The following UGGT2 variants were observed in gnomAD, a reference collection of about 807,000 sequenced individuals.
The protein encoded by UGGT2 is UDP-glucose glycoprotein glucosyltransferase 2.
A neutral mutation model predicts 192.1 loss-of-function variants in UGGT2; 180 were observed. The observed-to-expected ratio is 0.94, with a 90% CI of 0.83 to 1.06. UGGT2 has a LOEUF of 1.06. UGGT2 is among the 50% of genes least tolerant of loss of function. UGGT2 has a pLI of 0.00. For synonymous variants in UGGT2, 580 were observed against 591.0 expected (o/e 0.98, Z 0.27); for missense variants, 1,849 against 1,795.7 (o/e 1.03, Z -0.54).
rs149785094 is a variant in UGGT2 at position 95,863,683 on chromosome 13, T to A, written c.3590A>T (p.Asp1197Val). 5.5e-4 allele frequency: 880 copies of A among 1,612,788 alleles called. 1 individual carries two copies. Among genetic ancestry groups the A allele is most frequent in the Non-Finnish European group, 7.1e-4 (833 of 1,179,130 alleles). Residue 1197 changes from aspartate to valine, a missense_variant, in exon 31 of 39, where the codon GAT becomes GTT. By Grantham distance (152) the Asp-to-Val change is radical. Coordinates refer to ENST00000376747, the MANE Select transcript of UGGT2 (RefSeq NM_020121.4). ...TTTTTCATCTTCATCGGTAAGGATA[T>A]CTTCCTTAATTTTGTCTGTTTCTTT... ...VKKETDKIKE[D>V]ILTDEDEKTK...
Position 95,970,175 on chromosome 13 carries a change from T to A in UGGT2, c.1272A>T (p.Leu424Phe). 6.2e-7 allele frequency: 1 copy of A among 1,611,992 alleles called. No individual in the cohort carries two copies. Among genetic ancestry groups the A allele is most frequent in the Non-Finnish European group, 8.5e-7 (1 of 1,178,298 alleles). Reference sequence around the variant, plus strand: ...ATTCCCAAATGTGTGAATTTAATTTTAAAAATTTGCTCATATCTTCCCCAT... The same window carrying A: ...ATTCCCAAATGTGTGAATTTAATTTAAAAAATTTGCTCATATCTTCCCCAT... ...GINGEDMSKFLKLNSHIWEYT... is the reference protein window; with the variant it reads ...GINGEDMSKFFKLNSHIWEYT... Residue 424 changes from leucine to phenylalanine, a missense_variant, in exon 12 of 39, where the codon TTA (leucine) becomes TTT (phenylalanine). Coordinates refer to ENST00000376747, the MANE Select transcript of UGGT2 (RefSeq NM_020121.4).
At chr13:95,879,610 T>C (rs902177460) in intron 27 of UGGT2, among the ~76,000 whole-genome samples, 1 of 152,176 alleles carries the variant, frequency 6.6e-6, no homozygotes, top group Non-Finnish European at 1.5e-5. Flanking sequence ...TAATTTTTTG[T>C]ACTTTTAGTA....
intron 38 of UGGT2, among the ~76,000 whole-genome samples, chr13:95,830,728 C>G (rs1352744292): frequency 1.3e-5 from 2 of 152,290 alleles, no homozygotes; most frequent in Non-Finnish European, 1.5e-5. Context: ...GGCGATTCCT[C>G]AAGGATCTAA....
intron 11 of UGGT2, 41 bp downstream of exon 11, chr13:95,972,539 T>C (rs1391665131): frequency 6.9e-7 from 1 of 1,443,256 alleles, no homozygotes; most frequent in Non-Finnish European, 9.6e-7. Context: ...TTTATTTTTA[T>C]ATAAACCATA....
At chr13:96,049,178 T>C (rs905836344) in intron 1 of UGGT2, among the ~76,000 whole-genome samples, 2 of 152,192 alleles carry the variant, frequency 1.3e-5, no homozygotes, top group Admixed American at 6.5e-5. Context: ...TGTTTCAACA[T>C]ATGCAAATCA....
chr13:95,940,840 G>T (rs2049653348), intron 15 of UGGT2, among the ~76,000 whole-genome samples: 1 of 152,062 alleles, frequency 6.6e-6, no homozygotes, highest in South Asian at 2.1e-4. Context: ...CAATCTACCT[G>T]CCTCGGCCTC....
At chr13:96,037,829 G>A (rs930905536) in intron 1 of UGGT2, among the ~76,000 whole-genome samples, 1 of 152,040 alleles carries the variant, frequency 6.6e-6, no homozygotes, top group African/African-American at 2.4e-5. Flanking sequence ...AATTTTAAGA[G>A]AAACATAAAC....
At chr13:95,975,673 A>T (rs2050914194) in intron 10 of UGGT2, among the ~76,000 whole-genome samples, 1 of 152,194 alleles carries the variant, frequency 6.6e-6, no homozygotes, top group African/African-American at 2.4e-5. Flanking sequence ...GAGCTGAGCT[A>T]TTACCTGAAG....
At chr13:95,940,601 G>A (rs559924033) in intron 15 of UGGT2, among the ~76,000 whole-genome samples, 1 of 151,660 alleles carries the variant, frequency 6.6e-6, no homozygotes, top group South Asian at 2.1e-4. Flanking sequence ...ACAGGAACTT[G>A]CCACCACACC....
chr13:95,978,814 GA>G (rs1367357961), intron 10 of UGGT2, among the ~76,000 whole-genome samples: 1 of 152,074 alleles, frequency 6.6e-6, no homozygotes. Flanking sequence ...AATAAGACAA[GA>G]TAAGACTTAA....
intron 5 of UGGT2, among the ~76,000 whole-genome samples, chr13:96,008,742 A>T (rs1269540091): frequency 6.6e-6 from 1 of 152,250 alleles, no homozygotes; most frequent in Non-Finnish European, 1.5e-5. Context: ...GACACAAACA[A>T]ATGGAAAAAC....
At chr13:95,931,662 A>C (rs1193683702) in intron 17 of UGGT2, among the ~76,000 whole-genome samples, 1 of 151,652 alleles carries the variant, frequency 6.6e-6, no homozygotes, top group African/African-American at 2.4e-5. Flanking sequence ...GGCCCAGCGC[A>C]CCCTCTGTAG....
At chr13:95,827,089 A>C (rs1050709592) in intron 38 of UGGT2, among the ~76,000 whole-genome samples, 4 of 152,196 alleles carry the variant, frequency 2.6e-5, no homozygotes, top group Non-Finnish European at 2.9e-5. Context: ...TGTGTGGAAC[A>C]GAAATTAATT....
At position 95,994,280 on chromosome 13, in the gene UGGT2, T is replaced by G. The variant is rs140897098; in HGVS notation, c.830+1783A>C. 1.4e-3 allele frequency among the ~76,000 whole-genome samples: 220 copies of G among 151,876 alleles called. 1 individual carries two copies. The highest frequency in any genetic ancestry group is 4.8e-3 in the African/African-American group (198 of 41,486). On this transcript the variant is annotated intron_variant, in intron 7 of 38. Coordinates refer to ENST00000376747, the MANE Select transcript of UGGT2 (RefSeq NM_020121.4). ...TTATGAATGTCAGATGTATTAGAACTCCCTAAAAATAAAGAAACCAATATA... is the reference window on the plus strand; with the variant it reads ...TTATGAATGTCAGATGTATTAGAACGCCCTAAAAATAAAGAAACCAATATA...
chr13:95,801,812 A>C lies in UGGT2; in HGVS notation c.4529T>G (p.Ile1510Ser). ...GTGCTAGAGTTCATCATGTGTCAAAACTATAAGGGAGAAAAGTTTATTTAG... is the reference window on the plus strand; with the variant it reads ...GTGCTAGAGTTCATCATGTGTCAAACCTATAAGGGAGAAAAGTTTATTTAG... ...DHLENKKQDT[I>S]LTHDEL Residue 1510 changes from isoleucine to serine, a missense_variant and splice_region_variant, in exon 39 of 39, where the codon ATT becomes AGT. Coordinates refer to ENST00000376747, the MANE Select transcript of UGGT2 (RefSeq NM_020121.4). The C allele has an allele frequency of 6.2e-7, 1 of 1,613,858 alleles. No homozygotes were observed. The highest frequency in any genetic ancestry group is 8.5e-7 in the Non-Finnish European group (1 of 1,179,846).
Position 95,914,661 on chromosome 13 carries a change from G to A in UGGT2, c.2295+11019C>T, listed in dbSNP as rs138522999. On this transcript the variant is annotated intron_variant, in intron 20 of 38. Transcript: ENST00000376747. Reference sequence around the variant, plus strand: ...AAAAAAAAAAAAAAATTAGCTGGGCGTGGTGATGCACGCCTGTAATCCCAA... The same window carrying A: ...AAAAAAAAAAAAAAATTAGCTGGGCATGGTGATGCACGCCTGTAATCCCAA... Among the ~76,000 whole-genome samples, 527 of 144,188 alleles carry A rather than the reference G, an allele frequency of 3.7e-3. 6 individuals carry two copies. The highest frequency in any genetic ancestry group is 0.013 in the African/African-American group (503 of 38,370). 94.6% of individuals were successfully genotyped at this position (144,188 alleles called of 152,430 possible).
chr13:95,868,602 A>G (rs1890903940), intron 29 of UGGT2, among the ~76,000 whole-genome samples: 2 of 136,914 alleles, frequency 1.5e-5, no homozygotes, highest in African/African-American at 5.2e-5. Flanking sequence ...CCTGTCACAA[A>G]ACAAAACAAA....
intron 20 of UGGT2, among the ~76,000 whole-genome samples, chr13:95,907,633 C>A (rs909530125): frequency 6.6e-6 from 1 of 152,198 alleles, no homozygotes; most frequent in Admixed American, 6.5e-5. Flanking sequence ...CTCCAGGAAA[C>A]TCCAACAGAC....
chr13:95,906,614 A>G (rs1244360110), intron 20 of UGGT2, among the ~76,000 whole-genome samples: 2 of 152,226 alleles, frequency 1.3e-5, no homozygotes, highest in Admixed American at 6.5e-5. Context: ...AAATTTAAGA[A>G]GCTCAATGTA....
Sources: allele counts gnomAD v4.1 joint callset (sites outside exome capture counted in the v4.1 genomes callset), GRCh38; gene constraint gnomAD v4.1.1; transcripts MANE v1.5; gene names NCBI Gene and HGNC (gene_info 2026-07-23, HGNC 2026-07-21).